The following FRMD6 variants were observed in gnomAD, a reference collection of about 807,000 sequenced individuals.
FRMD6 encodes the protein FERM domain-containing protein 6.
A neutral mutation model predicts 73.2 loss-of-function variants in FRMD6; 37 were observed. That is an observed-to-expected ratio of 0.51 (90% confidence interval 0.39 to 0.66). The LOEUF (loss-of-function observed/expected upper bound fraction) is 0.66. Ranked by LOEUF, FRMD6 falls within the 30% of genes least tolerant of loss-of-function variation. The pLI is 0.00. For missense variants in FRMD6, 714 were observed against 780.5 expected, an observed-to-expected ratio of 0.91 and a Z score of 1.02; for synonymous variants, 273 against 282.2, an observed-to-expected ratio of 0.97 and a Z score of 0.33.
At chr14:51,636,872 G>GA (rs1891592027) in intron 2 of FRMD6, among the ~76,000 whole-genome samples, 1 of 152,188 alleles carries the variant, frequency 6.6e-6, no homozygotes, top group Middle Eastern at 3.4e-3. Context: ...CCACTGTAGA[G>GA]AAAAAAGACC....
intron 2 of FRMD6, among the ~76,000 whole-genome samples, chr14:51,598,951 T>A (rs1043590909): frequency 6.6e-6 from 1 of 152,078 alleles, no homozygotes; most frequent in Non-Finnish European, 1.5e-5. Context: ...CTGTTTTAAG[T>A]TCTTTAAGAA....
At chr14:51,595,870 G>T (rs1252985077) in intron 2 of FRMD6, among the ~76,000 whole-genome samples, 1 of 152,060 alleles carries the variant, frequency 6.6e-6, no homozygotes. Flanking sequence ...TTAATTAATG[G>T]TATTCTAATG....
chr14:51,653,141 T>C (rs1293219558), intron 1 of FRMD6, among the ~76,000 whole-genome samples: 3 of 152,212 alleles, frequency 2.0e-5, no homozygotes, highest in Non-Finnish European at 4.4e-5. Context: ...GCTTCTGACT[T>C]CCAGCCTGTG....
the FRMD6 span, among the ~76,000 whole-genome samples, chr14:51,453,558 T>C: frequency 1.3e-5 from 2 of 152,178 alleles, no homozygotes; most frequent in Non-Finnish European, 2.9e-5. Context: ...CTTTAGTAAA[T>C]AGATATTTTG....
intron 1 of FRMD6, among the ~76,000 whole-genome samples, chr14:51,519,222 T>TGG (rs1374018446): frequency 2.2e-4 from 28 of 130,008 alleles, no homozygotes; most frequent in African/African-American, 7.3e-4. Context: ...TGGAGTGCAG[T>TGG]GGCACAATCT....
At chr14:51,620,696 A>T (rs1377931478) in intron 2 of FRMD6, among the ~76,000 whole-genome samples, 1 of 152,104 alleles carries the variant, frequency 6.6e-6, no homozygotes, top group Non-Finnish European at 1.5e-5. Context: ...TGGCTTGTTG[A>T]GCAGTGGCAG....
intron 1 of FRMD6, among the ~76,000 whole-genome samples, chr14:51,681,362 T>C (rs1894783943): frequency 6.6e-6 from 1 of 152,226 alleles, no homozygotes; most frequent in Non-Finnish European, 1.5e-5. Context: ...TTCCATGATA[T>C]GAAGCCAGTT....
intron 1 of FRMD6, chr14:51,652,225 C>T (rs1275648446): frequency 6.6e-6 from 1 of 152,406 alleles, no homozygotes; most frequent in Non-Finnish European, 1.5e-5. Context: ...GTGGTAAGGT[C>T]GCTTCTCCGT....
intron 2 of FRMD6, chr14:51,637,530 A>C (rs1427430514): frequency 6.6e-6 from 1 of 151,558 alleles, no homozygotes; most frequent in African/African-American, 2.4e-5. Flanking sequence ...GCATGCTACC[A>C]CTGGCTAGGA....
intron 2 of FRMD6, among the ~76,000 whole-genome samples, chr14:51,608,971 G>T (rs1174369751): frequency 2.0e-5 from 3 of 152,114 alleles, no homozygotes; most frequent in Non-Finnish European, 1.5e-5. Context: ...GCCTTGGGGG[G>T]TGGCTTCTCT....
At chr14:51,563,126 G>A (rs558745821) in intron 1 of FRMD6, among the ~76,000 whole-genome samples, 5 of 152,138 alleles carry the variant, frequency 3.3e-5, no homozygotes, top group African/African-American at 7.2e-5. Context: ...CTTCTTCCAC[G>A]GTGACTAGCT....
At chr14:51,549,274 A>G (rs1228199409) in intron 1 of FRMD6, among the ~76,000 whole-genome samples, 1 of 152,202 alleles carries the variant, frequency 6.6e-6, no homozygotes. Flanking sequence ...TGAAAAAACG[A>G]AAGATGAAGT....
the FRMD6 span, among the ~76,000 whole-genome samples, chr14:51,433,069 T>A: frequency 2.6e-5 from 4 of 152,236 alleles, no homozygotes; most frequent in African/African-American, 9.6e-5. Context: ...TTACAACACA[T>A]TCTGTTACAT....
chr14:51,639,127 A>T (rs1340047294), intron 2 of FRMD6, among the ~76,000 whole-genome samples: 1 of 151,750 alleles, frequency 6.6e-6, no homozygotes, highest in Non-Finnish European at 1.5e-5. Flanking sequence ...TTTGTTTTTT[A>T]AAAAATTATT....
the FRMD6 span, among the ~76,000 whole-genome samples, chr14:51,443,046 G>T: frequency 4.6e-5 from 7 of 152,298 alleles, no homozygotes; most frequent in South Asian, 2.1e-4. Context: ...AAGGCACCAG[G>T]ATGGGGAAAA....
intron 2 of FRMD6, among the ~76,000 whole-genome samples, chr14:51,604,038 C>A (rs1890146763): frequency 6.6e-6 from 1 of 151,580 alleles, no homozygotes; most frequent in Admixed American, 6.6e-5. Flanking sequence ...GAGACAGATG[C>A]CAACTATCCT....
At chr14:51,653,891 CA>C (rs1892620028) in intron 1 of FRMD6, among the ~76,000 whole-genome samples, 1 of 152,146 alleles carries the variant, frequency 6.6e-6, no homozygotes, top group African/African-American at 2.4e-5. Context: ...AAGGGTCCCC[CA>C]GGGGATATCT....
At chr14:51,702,747 G>C (rs1005734773) in intron 5 of FRMD6, among the ~76,000 whole-genome samples, 159 bp downstream of exon 5, 4 of 151,772 alleles carry the variant, frequency 2.6e-5, no homozygotes, top group African/African-American at 9.7e-5. Flanking sequence ...TTGTACGCTG[G>C]TATATCCTCA....
the FRMD6 span, among the ~76,000 whole-genome samples, chr14:51,416,220 C>T: frequency 6.6e-6 from 1 of 152,058 alleles, no homozygotes; most frequent in Non-Finnish European, 1.5e-5. Context: ...GCTCTTGCTT[C>T]TCTAGTTCTT....
Sources: gnomAD v4.1 joint callset for allele counts (sites outside exome capture counted in the v4.1 genomes callset) on GRCh38, gnomAD v4.1.1 for gene constraint, MANE v1.5 for transcripts, NCBI Gene and HGNC (gene_info 2026-07-23, HGNC 2026-07-21) for gene names.